Variants in VEGFC observed in about 807,000 individuals in gnomAD.
The protein encoded by VEGFC is vascular endothelial growth factor C, also known as FLT4 ligand DHM.
Under a neutral mutation model 46.1 loss-of-function variants are expected in VEGFC, and 12 were observed. That is an observed-to-expected ratio of 0.26 (90% confidence interval 0.17 to 0.42). VEGFC has a LOEUF of 0.42. Among genes scored for constraint, VEGFC ranks in the 10% least tolerant of loss-of-function variants. VEGFC has a pLI of 1.00. For missense variants in VEGFC, 488 were observed against 529.4 expected, an observed-to-expected ratio of 0.92 and a Z score of 0.77; for synonymous variants, 232 against 195.5, an observed-to-expected ratio of 1.19 and a Z score of -1.56.
intron 1 of VEGFC, among the ~76,000 whole-genome samples, chr4:176,750,920 A>C (rs1266480185): frequency 6.6e-6 from 1 of 151,730 alleles, no homozygotes; most frequent in African/African-American, 2.4e-5. Flanking sequence ...TATAACAGGA[A>C]ATCCCAATAG....
At chr4:176,738,556 A>G (rs181612638) in intron 1 of VEGFC, among the ~76,000 whole-genome samples, 1 of 152,216 alleles carries the variant, frequency 6.6e-6, no homozygotes, top group Non-Finnish European at 1.5e-5. Flanking sequence ...TTAACTCAAG[A>G]TGGATTAAAG....
intron 4 of VEGFC, among the ~76,000 whole-genome samples, chr4:176,696,056 C>T (rs1373478069): frequency 1.3e-5 from 2 of 149,056 alleles, no homozygotes; most frequent in South Asian, 4.4e-4. Flanking sequence ...TGGAAGCATT[C>T]CCTTTGAAAA....
At chr4:176,781,687 A>T (rs572524251) in intron 1 of VEGFC, among the ~76,000 whole-genome samples, 4 of 152,310 alleles carry the variant, frequency 2.6e-5, no homozygotes, top group Admixed American at 2.6e-4. Flanking sequence ...TGCCAAATTC[A>T]TCCACTCTTG....
chr4:176,689,543 G>C (rs1333013922), intron 4 of VEGFC: 1 of 152,144 alleles, frequency 6.6e-6, no homozygotes, highest in East Asian at 1.9e-4. Flanking sequence ...TCATATGACA[G>C]TTTGTCGAAG....
chr4:176,716,290 A>G (rs1042248253), intron 3 of VEGFC, among the ~76,000 whole-genome samples: 3 of 152,100 alleles, frequency 2.0e-5, no homozygotes, highest in African/African-American at 7.2e-5. Context: ...AAACCTAACA[A>G]TGAGGGCGGG....
chr4:176,778,048 T>A (rs1387301556), intron 1 of VEGFC, among the ~76,000 whole-genome samples: 1 of 149,842 alleles, frequency 6.7e-6, no homozygotes, highest in Non-Finnish European at 1.5e-5. Context: ...CTTGAAGGTA[T>A]AACCACATTC....
In VEGFC at chr4:176,724,727, G is replaced by A. The variant is rs1734844016; in HGVS notation, c.552+3051C>T. ...ATGCCCAGGAATTGGAGAAAGTCTA[G>A]AGCACTGGAAGCACAAGATCAAGAA... On this transcript the variant is annotated intron_variant, in intron 3 of 6. Transcript: ENST00000618562. Among the ~76,000 whole-genome samples, 2 of 152,168 alleles carry A rather than the reference G, an allele frequency of 1.3e-5. 1 individual carries two copies. The highest frequency in any genetic ancestry group is 4.1e-4 in the South Asian group (2 of 4,830).
intron 1 of VEGFC, among the ~76,000 whole-genome samples, chr4:176,740,277 CTATA>C (rs1178607906): frequency 1.8e-5 from 2 of 114,034 alleles, no homozygotes; most frequent in African/African-American, 7.2e-5. Flanking sequence ...TATATATTCT[CTATA>C]TAGAGTATAT....
At chr4:176,787,456 CA>C (rs11456080) in intron 1 of VEGFC, among the ~76,000 whole-genome samples, 103 of 114,230 alleles carry the variant, frequency 9.0e-4, no homozygotes, top group Middle Eastern at 4.7e-3. Flanking sequence ...GACCCTGTCT[CA>C]AAAAAAAAAA....
At chr4:176,685,111 T>C (rs1035225488) in intron 6 of VEGFC, among the ~76,000 whole-genome samples, 1 of 152,208 alleles carries the variant, frequency 6.6e-6, no homozygotes, top group Non-Finnish European at 1.5e-5. Flanking sequence ...AAGTGCAAGA[T>C]GACCTGAGGT....
chr4:176,697,430 ATG>A, intron 4 of VEGFC, among the ~76,000 whole-genome samples: 1 of 152,328 alleles, frequency 6.6e-6, no homozygotes, highest in Non-Finnish European at 1.5e-5. Context: ...CAAAACTACA[ATG>A]AGATACCATC....
chr4:176,744,073 C>T (rs1336715638), intron 1 of VEGFC, among the ~76,000 whole-genome samples: 1 of 151,866 alleles, frequency 6.6e-6, no homozygotes, highest in Non-Finnish European at 1.5e-5. Flanking sequence ...ATGTTTACAG[C>T]ATTAGTAAAA....
rs377096543 is a variant in VEGFC at position 176,711,574 on chromosome 4, C to A, written c.629G>T (p.Arg210Leu). The change falls in exon 4 of 7, where the codon CGA (arginine) becomes CTA (leucine). Residue 210 changes from arginine to leucine, a missense_variant. Transcript: ENST00000618562. The part of the protein sequence containing the change: ...TISFANHTSC[R>L]CMSKLDVYRQ... ...GTAAACATCCAGTTTAGACATGCAT[C>A]GGCAGGAAGTGTGATTGGCAAAACT... The A allele has an allele frequency of 4.3e-6, 7 of 1,613,686 alleles. No homozygotes were observed. Among genetic ancestry groups the A allele is most frequent in the Non-Finnish European group, 8.5e-7 (1 of 1,179,764 alleles).
At chr4:176,790,393 T>C (rs1256302254) in intron 1 of VEGFC, among the ~76,000 whole-genome samples, 1 of 152,328 alleles carries the variant, frequency 6.6e-6, no homozygotes, top group South Asian at 2.1e-4. Flanking sequence ...CAAAAATGCA[T>C]AGTGATTTTC....
At chr4:176,734,675 A>G (rs1242797260) in intron 1 of VEGFC, among the ~76,000 whole-genome samples, 1 of 151,836 alleles carries the variant, frequency 6.6e-6, no homozygotes, top group Non-Finnish European at 1.5e-5. Flanking sequence ...AATAGCAAAA[A>G]CTAAGTGGCA....
intron 4 of VEGFC, among the ~76,000 whole-genome samples, chr4:176,709,248 T>C (rs535235470): frequency 3.9e-5 from 6 of 152,180 alleles, no homozygotes; most frequent in Non-Finnish European, 8.8e-5. Context: ...AGGCAAATGC[T>C]GCTGCTGACC....
At chr4:176,762,062 T>A (rs776605364) in intron 1 of VEGFC, among the ~76,000 whole-genome samples, 1 of 152,206 alleles carries the variant, frequency 6.6e-6, no homozygotes, top group Non-Finnish European at 1.5e-5. Flanking sequence ...CTGAAGAGGC[T>A]CTGCCTGCAC....
At chr4:176,727,708 A>G (rs1734895139) in intron 3 of VEGFC, 70 bp downstream of exon 3, 4 of 1,479,244 alleles carry the variant, frequency 2.7e-6, no homozygotes, top group African/African-American at 2.8e-5. Context: ...AAGTTTAAAC[A>G]CATCATCCCC....
intron 1 of VEGFC, among the ~76,000 whole-genome samples, chr4:176,751,686 A>G (rs1735344077): frequency 6.6e-6 from 1 of 152,026 alleles, no homozygotes; most frequent in South Asian, 2.1e-4. Flanking sequence ...TGTTCAGCAC[A>G]ACATAATTTA....
Sources: gnomAD v4.1 joint callset for allele counts (sites outside exome capture counted in the v4.1 genomes callset) on GRCh38, gnomAD v4.1.1 for gene constraint, MANE v1.5 for transcripts, NCBI Gene and HGNC (gene_info 2026-07-23, HGNC 2026-07-21) for gene names.